The following COX7B2 variants were observed in gnomAD, a reference collection of about 807,000 sequenced individuals.
COX7B2 encodes the protein cytochrome c oxidase subunit 7B2.
For synonymous variants in COX7B2, 37 were observed against 32.1 expected, an observed-to-expected ratio of 1.15 and a Z score of -0.51; for missense variants, 109 against 95.9, an observed-to-expected ratio of 1.14 and a Z score of -0.57.
intron 2 of COX7B2, among the ~76,000 whole-genome samples, chr4:46,825,129 AC>A (rs944963197): frequency 2.0e-5 from 3 of 151,724 alleles, no homozygotes; most frequent in Non-Finnish European, 4.4e-5. Flanking sequence ...AGATCTAAAA[AC>A]CCCCCAGTCT....
intron 2 of COX7B2, among the ~76,000 whole-genome samples, chr4:46,819,076 C>T (rs1010773985): frequency 6.6e-6 from 1 of 152,184 alleles, no homozygotes; most frequent in East Asian, 1.9e-4. Context: ...CGAATTTTGC[C>T]GTTTTTAAAA....
chr4:46,790,591 G>A (rs1717989051), intron 2 of COX7B2, among the ~76,000 whole-genome samples: 2 of 152,070 alleles, frequency 1.3e-5, no homozygotes, highest in Admixed American at 1.3e-4. Context: ...ATCCCAAACT[G>A]TATTTTTTAC....
intron 1 of COX7B2, among the ~76,000 whole-genome samples, chr4:46,890,644 G>T (rs1014131052): frequency 6.6e-6 from 1 of 152,152 alleles, no homozygotes; most frequent in Non-Finnish European, 1.5e-5. Context: ...CAGAATTAAA[G>T]AAGTGAAAGG....
intron 2 of COX7B2, among the ~76,000 whole-genome samples, chr4:46,769,526 C>T (rs1716748899): frequency 6.6e-6 from 1 of 151,976 alleles, no homozygotes; most frequent in Non-Finnish European, 1.5e-5. Context: ...ACCAGCCTGG[C>T]CAATATGGTG....
At chr4:46,793,642 G>A (rs1339042065) in intron 2 of COX7B2, among the ~76,000 whole-genome samples, 1 of 152,196 alleles carries the variant, frequency 6.6e-6, no homozygotes, top group Non-Finnish European at 1.5e-5. Flanking sequence ...AGGTATCTAT[G>A]TGTACATTGA....
chr4:46,816,036 A>G (rs1719534262), intron 2 of COX7B2, among the ~76,000 whole-genome samples: 1 of 152,180 alleles, frequency 6.6e-6, no homozygotes, highest in Non-Finnish European at 1.5e-5. Flanking sequence ...CCCTCCTTAT[A>G]TCCTCACCAA....
intron 1 of COX7B2, among the ~76,000 whole-genome samples, chr4:46,884,963 C>T (rs1275314589): frequency 6.6e-6 from 1 of 151,562 alleles, no homozygotes; most frequent in African/African-American, 2.4e-5. Context: ...ATTGTCTGCC[C>T]CATCTGTTTT....
At chr4:46,893,645 G>A (rs1289956444) in intron 1 of COX7B2, among the ~76,000 whole-genome samples, 1 of 152,130 alleles carries the variant, frequency 6.6e-6, no homozygotes, top group Non-Finnish European at 1.5e-5. Context: ...ATCTAAGTGA[G>A]AATCCATGGA....
At chr4:46,897,133 C>A (rs1488813865) in intron 1 of COX7B2, among the ~76,000 whole-genome samples, 2 of 152,020 alleles carry the variant, frequency 1.3e-5, no homozygotes. Flanking sequence ...TTAGCCTCAC[C>A]CCAGGGGCAC....
At chr4:46,815,401 C>T (rs895605267) in intron 2 of COX7B2, among the ~76,000 whole-genome samples, 1 of 152,038 alleles carries the variant, frequency 6.6e-6, no homozygotes, top group Non-Finnish European at 1.5e-5. Context: ...TTATTATGGC[C>T]TGCAGTGTAA....
intron 1 of COX7B2, among the ~76,000 whole-genome samples, chr4:46,880,300 A>C (rs2109845174): frequency 6.6e-6 from 1 of 152,054 alleles, no homozygotes; most frequent in South Asian, 2.1e-4. Context: ...GAAAGAGCTG[A>C]GGAAGAGTCC....
rs569110268 is a variant in COX7B2, at chr4:46,817,883, A to G, written c.-50+27077T>C. 7.2e-5 allele frequency among the ~76,000 whole-genome samples: 11 copies of G among 152,326 alleles called. No individual in the cohort carries two copies. In the South Asian group the frequency reaches 2.3e-3, roughly 32 times the overall value. ...AAGCATGTTTTTCCCTCAGCTTCAG[A>G]ACTTACTTTGTATATGAGATGTTTG... On this transcript the variant is annotated intron_variant, in intron 2 of 2. Transcript: ENST00000355591.
At chr4:46,823,805 G>A (rs921923623) in intron 2 of COX7B2, among the ~76,000 whole-genome samples, 3 of 149,872 alleles carry the variant, frequency 2.0e-5, no homozygotes, top group Admixed American at 6.6e-5. Context: ...AAAAATCAAA[G>A]AAGCAAACAA....
At chr4:46,836,456 A>G (rs1006627211) in intron 2 of COX7B2, among the ~76,000 whole-genome samples, 1 of 152,034 alleles carries the variant, frequency 6.6e-6, no homozygotes, top group African/African-American at 2.4e-5. Context: ...ACTATCTTCC[A>G]TCTCCACATC....
At chr4:46,751,999 TA>T (rs1305561694) in intron 2 of COX7B2, among the ~76,000 whole-genome samples, 1 of 152,148 alleles carries the variant, frequency 6.6e-6, no homozygotes, top group African/African-American at 2.4e-5. Context: ...ATCTATAAGT[TA>T]CCTTGGGCAG....
chr4:46,807,849 T>A (rs1719082690), intron 2 of COX7B2, among the ~76,000 whole-genome samples: 1 of 151,944 alleles, frequency 6.6e-6, no homozygotes, highest in Admixed American at 6.6e-5. Context: ...TTAGGTTTAT[T>A]TCTGGGGTCT....
chr4:46,745,616 AT>A (rs903669521), intron 2 of COX7B2, among the ~76,000 whole-genome samples: 24 of 151,802 alleles, frequency 1.6e-4, no homozygotes, highest in Non-Finnish European at 2.1e-4. Flanking sequence ...TGGTACACTG[AT>A]TTTTTTTTCC....
chr4:46,823,057 AT>A (rs1714415179), intron 2 of COX7B2, among the ~76,000 whole-genome samples: 1 of 152,094 alleles, frequency 6.6e-6, no homozygotes, highest in Non-Finnish European at 1.5e-5. Flanking sequence ...TACAGTGTGA[AT>A]CCCCCAAGGG....
intron 1 of COX7B2, among the ~76,000 whole-genome samples, chr4:46,851,865 A>G (rs1296441406): frequency 2.6e-5 from 4 of 152,146 alleles, no homozygotes; most frequent in Non-Finnish European, 4.4e-5. Context: ...AGGGGTTCAC[A>G]TATTTATCAA....
Sources: gnomAD v4.1 joint callset for allele counts (sites outside exome capture counted in the v4.1 genomes callset) on GRCh38, gnomAD v4.1.1 for gene constraint, MANE v1.5 for transcripts, NCBI Gene and HGNC (gene_info 2026-07-23, HGNC 2026-07-21) for gene names.